Variants in RBFOX1 observed in about 807,000 individuals in gnomAD.
RBFOX1 encodes RNA binding fox-1 homolog 1.
RBFOX1 carries 8 observed loss-of-function variants against 57.7 expected under a neutral mutation model. The observed-to-expected ratio is 0.14, with a 90% CI of 0.08 to 0.25. RBFOX1 has a LOEUF of 0.25. Ranked by LOEUF, RBFOX1 falls within the 10% of genes least tolerant of loss-of-function variation. RBFOX1 has a pLI of 1.00. For missense variants in RBFOX1, 611 were observed against 548.5 expected (o/e 1.11, Z -1.14); for synonymous variants, 326 against 222.4 (o/e 1.47, Z -4.15).
chr16:7,179,530 A>G lies in RBFOX1; in HGVS notation c.27+127432A>G, dbSNP rs902111851. Among the ~76,000 whole-genome samples, 17 of 152,172 alleles carry G rather than the reference A, an allele frequency of 1.1e-4. 1 individual carries two copies. The South Asian group carries it at 3.5e-3, about 32-fold the overall frequency. ...ACCAATTAATTATGTTTGCTGTTAG[A>G]CCTGTTAGGTGTTGGCATTTCCATT... On this transcript the variant is annotated intron_variant, in intron 4 of 15. Transcript: ENST00000550418.
chr16:6,792,228 T>C (rs2083110644), intron 3 of RBFOX1, among the ~76,000 whole-genome samples: 1 of 152,176 alleles, frequency 6.6e-6, no homozygotes, highest in South Asian at 2.1e-4. Context: ...TAAAGCACTA[T>C]TGGAGAATTA....
chr16:6,259,710 C>T (rs946399932), intron 1 of RBFOX1, among the ~76,000 whole-genome samples: 8 of 152,140 alleles, frequency 5.3e-5, no homozygotes, highest in South Asian at 2.1e-4. Context: ...GTAATAGCAG[C>T]ACTTTGGGAA....
intron 3 of RBFOX1, among the ~76,000 whole-genome samples, chr16:6,781,756 A>T (rs138065182): frequency 6.6e-6 from 1 of 152,062 alleles, no homozygotes; most frequent in Non-Finnish European, 1.5e-5. Context: ...TTTCTGTGGT[A>T]TCTGTTTTAA....
chr16:7,264,077 C>G (rs1304219810), intron 4 of RBFOX1, among the ~76,000 whole-genome samples: 1 of 151,998 alleles, frequency 6.6e-6, no homozygotes, highest in Non-Finnish European at 1.5e-5. Flanking sequence ...TCATTGTTAC[C>G]CTGTTTCTTA....
At chr16:6,531,259 A>G (rs2096654104) in intron 2 of RBFOX1, among the ~76,000 whole-genome samples, 1 of 152,114 alleles carries the variant, frequency 6.6e-6, no homozygotes, top group South Asian at 2.1e-4. Flanking sequence ...GTGTCTGTAG[A>G]CTTCTAACTG....
chr16:5,912,117 G>T (rs2058615960), intron 4 of RBFOX1, among the ~76,000 whole-genome samples: 1 of 152,136 alleles, frequency 6.6e-6, no homozygotes, highest in South Asian at 2.1e-4. Flanking sequence ...GGATTGGACA[G>T]ACCTGAGCTT....
At chr16:5,325,419 C>T (rs929918527) in intron 1 of RBFOX1, among the ~76,000 whole-genome samples, 2 of 152,054 alleles carry the variant, frequency 1.3e-5, no homozygotes, top group African/African-American at 4.8e-5. Context: ...AAATTTTCTA[C>T]CACATTTGTT....
At chr16:6,824,983 G>GTT (rs151177772) in intron 3 of RBFOX1, among the ~76,000 whole-genome samples, 528 of 36,848 alleles carry the variant, frequency 0.014, 77 homozygotes, top group Middle Eastern at 0.029. Flanking sequence ...TTCTTTCTTG[G>GTT]TTTTTTTTTT....
chr16:6,407,229 C>A (rs1439048383), intron 2 of RBFOX1, among the ~76,000 whole-genome samples: 4 of 152,100 alleles, frequency 2.6e-5, no homozygotes. Context: ...ACATCCTTAT[C>A]TGTATCTGTA....
intron 2 of RBFOX1, among the ~76,000 whole-genome samples, chr16:5,552,201 T>C (rs1271904781): frequency 6.6e-6 from 1 of 152,216 alleles, no homozygotes; most frequent in Admixed American, 6.5e-5. Flanking sequence ...GAGATAACCT[T>C]GCTTGGTGAT....
At chr16:6,516,982 A>G (rs998686592) in intron 2 of RBFOX1, among the ~76,000 whole-genome samples, 3 of 152,194 alleles carry the variant, frequency 2.0e-5, no homozygotes, top group Middle Eastern at 3.2e-3. Flanking sequence ...GTATGAGGCT[A>G]GGTCAGAAGC....
chr16:5,891,445 G>A (rs1334009024), intron 4 of RBFOX1, among the ~76,000 whole-genome samples: 3 of 152,282 alleles, frequency 2.0e-5, no homozygotes, highest in South Asian at 2.1e-4. Flanking sequence ...AATAACTTTG[G>A]TTGCCATGGA....
intron 3 of RBFOX1, among the ~76,000 whole-genome samples, chr16:5,841,721 G>C (rs191837034): frequency 1.3e-5 from 2 of 152,290 alleles, no homozygotes; most frequent in Admixed American, 6.5e-5. Context: ...ATGGCCTGTA[G>C]AGGCCCAGTG....
chr16:6,602,645 G>A (rs977141238), intron 2 of RBFOX1, among the ~76,000 whole-genome samples: 1 of 152,194 alleles, frequency 6.6e-6, no homozygotes, highest in African/African-American at 2.4e-5. Context: ...TCATCTCCAA[G>A]GTGGCCAGGT....
chr16:6,676,184 C>T (rs1216032661), intron 3 of RBFOX1, among the ~76,000 whole-genome samples: 4 of 149,018 alleles, frequency 2.7e-5, no homozygotes, highest in South Asian at 4.3e-4. Context: ...ACACACACTT[C>T]CCTAGGTCAA....
chr16:5,396,779 G>A (rs2066571071), intron 1 of RBFOX1, among the ~76,000 whole-genome samples: 2 of 152,228 alleles, frequency 1.3e-5, no homozygotes, highest in African/African-American at 4.8e-5. Flanking sequence ...TTTAGATGGA[G>A]CATTTTATTA....
At chr16:6,493,736 A>C (rs2153145658) in intron 2 of RBFOX1, among the ~76,000 whole-genome samples, 1 of 152,354 alleles carries the variant, frequency 6.6e-6, no homozygotes, top group South Asian at 2.1e-4. Context: ...ACTCAGAATA[A>C]TAAAACACTT....
At chr16:6,387,974 A>ATTTTTTTTTT (rs61603572) in intron 2 of RBFOX1, among the ~76,000 whole-genome samples, 1 of 84,150 alleles carries the variant, frequency 1.2e-5, no homozygotes, top group African/African-American at 5.4e-5. Context: ...TTTGTGGAAC[A>ATTTTTTTTTT]TTTTTTTTTT....
chr16:5,846,396 C>T (rs191006691), intron 3 of RBFOX1, among the ~76,000 whole-genome samples: 5 of 150,728 alleles, frequency 3.3e-5, no homozygotes, highest in Admixed American at 1.3e-4. Context: ...ACTTCTATTA[C>T]AGCATGTTTT....
Sources: gnomAD v4.1 joint callset for allele counts (sites outside exome capture counted in the v4.1 genomes callset) on GRCh38, gnomAD v4.1.1 for gene constraint, MANE v1.5 for transcripts, NCBI Gene and HGNC (gene_info 2026-07-23, HGNC 2026-07-21) for gene names.